Variants in B3GALT1 observed in about 807,000 individuals in gnomAD.
The protein encoded by B3GALT1 is beta-1,3-galactosyltransferase 1.
B3GALT1 carries 10 observed loss-of-function variants against 23.2 expected under a neutral mutation model. That is an observed-to-expected ratio of 0.43 (90% CI 0.27 to 0.73). The LOEUF (loss-of-function observed/expected upper bound fraction) is 0.73. B3GALT1 is among the 30% of genes least tolerant of loss of function. The pLI, the probability that B3GALT1 is intolerant of heterozygous loss-of-function variation, is 0.21. For missense variants in B3GALT1, 299 were observed against 405.4 expected (o/e 0.74, Z 2.25); for synonymous variants, 156 against 141.5 (o/e 1.10, Z -0.73).
chr2:167,358,272 G>A (rs937185688), intron 1 of B3GALT1, among the ~76,000 whole-genome samples: 4 of 152,178 alleles, frequency 2.6e-5, no homozygotes, highest in African/African-American at 4.8e-5. Flanking sequence ...TGAGGAACAA[G>A]TGTAGTTTTA....
chr2:167,857,376 C>G (rs1188239079), intron 4 of B3GALT1, among the ~76,000 whole-genome samples: 1 of 152,006 alleles, frequency 6.6e-6, no homozygotes, highest in African/African-American at 2.4e-5. Context: ...GAAAGAGTTT[C>G]AAGAGCAATG....
chr2:167,487,960 G>T (rs1282615959), intron 1 of B3GALT1, among the ~76,000 whole-genome samples: 1 of 152,126 alleles, frequency 6.6e-6, no homozygotes, highest in Non-Finnish European at 1.5e-5. Flanking sequence ...TCATGGAAAA[G>T]AAGGTCATTT....
At chr2:167,543,611 G>A (rs1000376442) in intron 2 of B3GALT1, among the ~76,000 whole-genome samples, 16 of 152,082 alleles carry the variant, frequency 1.1e-4, no homozygotes, top group Admixed American at 6.5e-4. Context: ...GTAACTGGAA[G>A]GTTATTTACA....
chr2:167,591,335 A>G (rs1684675323), intron 2 of B3GALT1, among the ~76,000 whole-genome samples: 1 of 152,112 alleles, frequency 6.6e-6, no homozygotes, highest in Non-Finnish European at 1.5e-5. Context: ...GAAGAACAGT[A>G]GGCGACGAGG....
intron 2 of B3GALT1, among the ~76,000 whole-genome samples, chr2:167,491,550 T>C (rs112139299): frequency 0.052 from 7,885 of 150,198 alleles, 670 homozygotes; most frequent in African/African-American, 0.18. Context: ...TGCAGTGGCT[T>C]ACGCCTGTAA....
intron 2 of B3GALT1, among the ~76,000 whole-genome samples, chr2:167,623,167 G>A (rs1013603080): frequency 5.3e-5 from 8 of 151,966 alleles, no homozygotes; most frequent in African/African-American, 1.9e-4. Flanking sequence ...TTACACTGTT[G>A]GTGGGAGTTG....
intron 4 of B3GALT1, among the ~76,000 whole-genome samples, chr2:167,826,727 G>A (rs977195811): frequency 6.6e-6 from 1 of 152,172 alleles, no homozygotes; most frequent in African/African-American, 2.4e-5. Flanking sequence ...GATTGAAAAT[G>A]TTTGTAAAAG....
chr2:167,759,415 G>T (rs1687866732), intron 3 of B3GALT1, among the ~76,000 whole-genome samples: 1 of 152,186 alleles, frequency 6.6e-6, no homozygotes, highest in Non-Finnish European at 1.5e-5. Context: ...CTAGACTAGG[G>T]GGGCAATAAT....
chr2:167,563,242 C>T (rs1335222760), intron 2 of B3GALT1, among the ~76,000 whole-genome samples: 2 of 149,176 alleles, frequency 1.3e-5, no homozygotes, highest in African/African-American at 2.5e-5. Context: ...AGAGGCGCCC[C>T]CCACCTCCCA....
At chr2:167,773,116 G>A (rs1688099702) in intron 3 of B3GALT1, among the ~76,000 whole-genome samples, 1 of 152,100 alleles carries the variant, frequency 6.6e-6, no homozygotes, top group Admixed American at 6.5e-5. Context: ...AATTCAATAA[G>A]TGTTTTTAGG....
chr2:167,862,336 C>G (rs1009520825), intron 4 of B3GALT1, among the ~76,000 whole-genome samples: 2 of 152,128 alleles, frequency 1.3e-5, no homozygotes, highest in East Asian at 3.9e-4. Flanking sequence ...CCCAAAGGCT[C>G]GAGAACCAGA....
intron 3 of B3GALT1, among the ~76,000 whole-genome samples, chr2:167,702,135 A>C (rs6732222): frequency 0.095 from 14,382 of 152,176 alleles, 1,105 homozygotes; most frequent in African/African-American, 0.18. Flanking sequence ...CCTCCACCAG[A>C]AGTCCTCCCT....
At chr2:167,543,022 TAGAG>T (rs1320211629) in intron 2 of B3GALT1, among the ~76,000 whole-genome samples, 1 of 152,106 alleles carries the variant, frequency 6.6e-6, no homozygotes, top group Non-Finnish European at 1.5e-5. Flanking sequence ...AATAAGAAAT[TAGAG>T]GGACTGAAAA....
At chr2:167,816,748 A>G (rs1689000093) in intron 3 of B3GALT1, among the ~76,000 whole-genome samples, 1 of 152,242 alleles carries the variant, frequency 6.6e-6, no homozygotes, top group African/African-American at 2.4e-5. Flanking sequence ...CAATGTCAAC[A>G]TTCAGTACAT....
intron 2 of B3GALT1, among the ~76,000 whole-genome samples, chr2:167,563,511 G>A (rs867454821): frequency 0.033 from 352 of 10,520 alleles, 15 homozygotes; most frequent in African/African-American, 0.14. Context: ...CTCACCTCCC[G>A]GACGGGGCGG....
intron 3 of B3GALT1, among the ~76,000 whole-genome samples, chr2:167,804,528 C>T (rs776039097): frequency 1.7e-4 from 25 of 151,366 alleles, no homozygotes; most frequent in Non-Finnish European, 2.7e-4. Context: ...CTTCCTGTGT[C>T]CATGTGTTCT....
chr2:167,872,833 T>C lies in B3GALT1; in HGVS notation c.*2813T>C, dbSNP rs1690378781. ...CATCAAAGACCACATGTATATATTTTAAAGGCATTTTTTCTTCTCCCCAAC... is the reference window on the plus strand; with the variant it reads ...CATCAAAGACCACATGTATATATTTCAAAGGCATTTTTTCTTCTCCCCAAC... On this transcript the variant is annotated 3_prime_UTR_variant, in exon 5 of 5. Coordinates refer to ENST00000392690, the MANE Select transcript of B3GALT1 (RefSeq NM_020981.4). The C allele has an allele frequency of 6.6e-6, 1 of 152,196 alleles. No individual in the cohort carries two copies. The highest frequency in any genetic ancestry group is 6.5e-5 in the Admixed American group (1 of 15,282). The allele number at this position is 152,196 out of a possible 1,614,324, so 9.4% of individuals were successfully genotyped here.
intron 3 of B3GALT1, among the ~76,000 whole-genome samples, chr2:167,800,856 A>G (rs1688627707): frequency 6.6e-6 from 1 of 152,232 alleles, no homozygotes; most frequent in East Asian, 1.9e-4. Flanking sequence ...GTCTTCGCCT[A>G]GAAGTCCCAA....
At chr2:167,669,862 C>A (rs1176795268) in intron 3 of B3GALT1, among the ~76,000 whole-genome samples, 1 of 152,022 alleles carries the variant, frequency 6.6e-6, no homozygotes, top group Non-Finnish European at 1.5e-5. Context: ...AATTTCTCAC[C>A]CCACCCAGAA....
Sources: gnomAD v4.1 joint callset for allele counts (sites outside exome capture counted in the v4.1 genomes callset) on GRCh38, gnomAD v4.1.1 for gene constraint, MANE v1.5 for transcripts, NCBI Gene and HGNC (gene_info 2026-07-23, HGNC 2026-07-21) for gene names.